The following NECAB1 variants were observed in gnomAD, a reference collection of about 807,000 sequenced individuals.
NECAB1 encodes the protein N-terminal EF-hand calcium-binding protein 1.
A neutral mutation model predicts 57.5 loss-of-function variants in NECAB1; 29 were observed. The observed-to-expected ratio is 0.50, with a 90% CI of 0.38 to 0.69. NECAB1 has a LOEUF of 0.69. Among genes scored for constraint, NECAB1 ranks in the 30% least tolerant of loss-of-function variants. The probability of loss-of-function intolerance (pLI) is 0.00; values close to 1 mark genes in which losing one functional copy is unlikely to be tolerated. For missense variants in NECAB1, 372 were observed against 413.8 expected (o/e 0.90, Z 0.88); for synonymous variants, 142 against 147.7 (o/e 0.96, Z 0.28).
At chr8:90,903,499 A>T (rs1177225165) in intron 5 of NECAB1, among the ~76,000 whole-genome samples, 1 of 152,154 alleles carries the variant, frequency 6.6e-6, no homozygotes, top group Non-Finnish European at 1.5e-5. Context: ...TTTATTTGTT[A>T]ATTTTTTCTA....
Position 90,929,638 on chromosome 8 carries a change from G to T in NECAB1, c.693+1339G>T, listed in dbSNP as rs543132754. On this transcript the variant is annotated intron_variant, in intron 8 of 12. Coordinates refer to ENST00000417640, the MANE Select transcript of NECAB1 (RefSeq NM_022351.5). The stretch of plus-strand genomic sequence containing the variant: ...TGCTGGCCTCCTGGATAGGGGAGGG[G>T]GAAAAGTCTTGATAACAATCCCAGA... Among the ~76,000 whole-genome samples, 5 of 152,234 alleles carry T rather than the reference G, an allele frequency of 3.3e-5. No individual in the cohort carries two copies. The South Asian group carries it at 1.0e-3, about 32-fold the overall frequency.
At chr8:90,855,556 A>G (rs930741016) in intron 3 of NECAB1, among the ~76,000 whole-genome samples, 2 of 152,230 alleles carry the variant, frequency 1.3e-5, no homozygotes, top group African/African-American at 4.8e-5. Flanking sequence ...TGAAATATGA[A>G]TTAGTGAATT....
rs1809332493 is a variant in NECAB1 at position 90,896,373 on chromosome 8, G to A, written c.357+15243G>A. On this transcript the variant is annotated intron_variant, in intron 5 of 12. Transcript: ENST00000417640. ...TAATCCCAGCACTTTGGGAGGCCGA[G>A]GCAGGCGGATCACAAGGTCAGGAGA... 2.6e-5 allele frequency among the ~76,000 whole-genome samples: 4 copies of A among 152,274 alleles called. No homozygotes were observed. The East Asian group carries it at 7.7e-4, about 29-fold the overall frequency.
At chr8:90,841,486 A>T (rs537275230) in intron 3 of NECAB1, among the ~76,000 whole-genome samples, 135 of 152,320 alleles carry the variant, frequency 8.9e-4, no homozygotes, top group Non-Finnish European at 1.6e-3. Flanking sequence ...AACAGAGATT[A>T]ACATAGTATC....
chr8:90,933,287 A>G (rs546741221), intron 8 of NECAB1, among the ~76,000 whole-genome samples: 3 of 152,334 alleles, frequency 2.0e-5, no homozygotes, highest in African/African-American at 7.2e-5. Context: ...ACATGTTTAT[A>G]GCAGCACAAT....
At chr8:90,799,583 AT>A (rs1192017733) in intron 1 of NECAB1, among the ~76,000 whole-genome samples, 7 of 151,962 alleles carry the variant, frequency 4.6e-5, no homozygotes, top group African/African-American at 1.7e-4. Flanking sequence ...CCCATTATTT[AT>A]TTTTGTTGAT....
chr8:90,918,051 C>A (rs535080375), intron 6 of NECAB1, among the ~76,000 whole-genome samples: 1 of 148,284 alleles, frequency 6.7e-6, no homozygotes, highest in African/African-American at 2.5e-5. Context: ...ACTTTGTCAC[C>A]CAGGCTTGAG....
intron 8 of NECAB1, among the ~76,000 whole-genome samples, chr8:90,933,702 C>G (rs771640429): frequency 2.0e-5 from 3 of 151,958 alleles, no homozygotes; most frequent in Non-Finnish European, 4.4e-5. Flanking sequence ...AAGCAAATAC[C>G]ACCTGTTCCC....
chr8:90,896,441 A>G (rs1040790156), intron 5 of NECAB1, among the ~76,000 whole-genome samples: 6 of 151,936 alleles, frequency 3.9e-5, no homozygotes, highest in Non-Finnish European at 7.4e-5. Context: ...CGTCTCTACT[A>G]AAAATACAAA....
chr8:90,834,985 TC>T (rs1243081266), intron 3 of NECAB1, among the ~76,000 whole-genome samples: 3 of 133,756 alleles, frequency 2.2e-5, no homozygotes, highest in African/African-American at 8.7e-5. Context: ...TCCCTGACTT[TC>T]TTTTTTTTTT....
At chr8:90,859,851 A>G (rs986389666) in intron 3 of NECAB1, among the ~76,000 whole-genome samples, 22 of 152,144 alleles carry the variant, frequency 1.4e-4, no homozygotes, top group African/African-American at 5.3e-4. Context: ...AATTTACAGT[A>G]ATCCTAAAAT....
intron 1 of NECAB1, among the ~76,000 whole-genome samples, chr8:90,799,546 A>T (rs1416206002): frequency 6.6e-6 from 1 of 152,168 alleles, no homozygotes. Context: ...CTATCCCAGC[A>T]CCATTTATTG....
At chr8:90,901,180 G>A (rs555409034) in intron 5 of NECAB1, among the ~76,000 whole-genome samples, 1 of 150,620 alleles carries the variant, frequency 6.6e-6, no homozygotes, top group South Asian at 2.1e-4. Context: ...CCTGAAGGCA[G>A]TTAAACCTTT....
chr8:90,863,867 CTAA>C (rs1174180569), intron 3 of NECAB1, among the ~76,000 whole-genome samples: 2 of 152,042 alleles, frequency 1.3e-5, no homozygotes, highest in East Asian at 3.9e-4. Context: ...CCATATTGTG[CTAA>C]TGTTTCTGAC....
intron 3 of NECAB1, among the ~76,000 whole-genome samples, chr8:90,854,872 T>C (rs1027020843): frequency 6.6e-6 from 1 of 152,190 alleles, no homozygotes; most frequent in Admixed American, 6.5e-5. Flanking sequence ...AGGCAAATAC[T>C]CCTTGGGGAC....
intron 3 of NECAB1, among the ~76,000 whole-genome samples, chr8:90,868,199 G>T (rs1014148795): frequency 6.6e-6 from 1 of 152,186 alleles, no homozygotes; most frequent in African/African-American, 2.4e-5. Flanking sequence ...GCAAAACCTT[G>T]AGTCAATTAA....
At chr8:90,922,485 G>GTTTTTTTTTTTTTTTTTTT in intron 6 of NECAB1, among the ~76,000 whole-genome samples, 1 of 65,218 alleles carries the variant, frequency 1.5e-5, no homozygotes, top group Non-Finnish European at 2.5e-5. Flanking sequence ...CAAAAACTTG[G>GTTTTTTTTTTTTTTTTTTT]ATTTTTTTTT....
At chr8:90,909,940 A>T (rs1368987578) in intron 5 of NECAB1, among the ~76,000 whole-genome samples, 1 of 151,926 alleles carries the variant, frequency 6.6e-6, no homozygotes, top group Non-Finnish European at 1.5e-5. Flanking sequence ...AGTATATTGT[A>T]TATTCTTTGT....
intron 3 of NECAB1, among the ~76,000 whole-genome samples, chr8:90,845,067 G>A (rs573488337): frequency 6.6e-6 from 1 of 152,128 alleles, no homozygotes; most frequent in Non-Finnish European, 1.5e-5. Flanking sequence ...TGTTGCTAAT[G>A]GAAGGTCAGT....
Sources: gnomAD v4.1 joint callset for allele counts (sites outside exome capture counted in the v4.1 genomes callset) on GRCh38, gnomAD v4.1.1 for gene constraint, MANE v1.5 for transcripts, NCBI Gene and HGNC (gene_info 2026-07-23, HGNC 2026-07-21) for gene names.